The following PTK2 variants were observed in gnomAD, a reference collection of about 807,000 sequenced individuals.
PTK2 encodes the protein protein tyrosine kinase 2, also known as focal adhesion kinase 1.
A neutral mutation model predicts 150.1 loss-of-function variants in PTK2; 45 were observed. The observed-to-expected ratio is 0.30, with a 90% CI of 0.24 to 0.38. The LOEUF (loss-of-function observed/expected upper bound fraction) is 0.38. PTK2 is among the 10% of genes least tolerant of loss of function. PTK2 has a pLI of 1.00. For synonymous variants in PTK2, 432 were observed against 449.2 expected (o/e 0.96, Z 0.48); for missense variants, 919 against 1,307.3 (o/e 0.70, Z 4.58).
intron 2 of PTK2, among the ~76,000 whole-genome samples, chr8:140,917,342 G>A (rs759233648): frequency 6.7e-6 from 1 of 148,286 alleles, no homozygotes; most frequent in Non-Finnish European, 1.5e-5. Context: ...ACTCTGCCAG[G>A]AAAGGACAGG....
intron 13 of PTK2, among the ~76,000 whole-genome samples, chr8:140,792,486 A>T (rs2100089040): frequency 1.3e-5 from 2 of 152,264 alleles, no homozygotes; most frequent in South Asian, 4.1e-4. Flanking sequence ...TCCTTTGCTG[A>T]TTCTGCTTTG....
chr8:140,779,974 G>A (rs181296001), intron 14 of PTK2, among the ~76,000 whole-genome samples: 2 of 152,164 alleles, frequency 1.3e-5, no homozygotes, highest in Non-Finnish European at 2.9e-5. Context: ...TTCCAACAAT[G>A]TGAAAAACAC....
intron 22 of PTK2, among the ~76,000 whole-genome samples, chr8:140,727,873 G>GTTT (rs1160373647): frequency 1.3e-5 from 2 of 152,134 alleles, no homozygotes; most frequent in Non-Finnish European, 2.9e-5. Context: ...TAGCTACTGA[G>GTTT]TAGAAAGAGT....
chr8:140,735,525 A>G (rs2100052111), intron 21 of PTK2, 70 bp from the exon 25 acceptor site: 4 of 1,515,754 alleles, frequency 2.6e-6, no homozygotes, highest in South Asian at 1.1e-5. Context: ...TTCCAGGAAC[A>G]TTGTTCTTCT....
intron 7 of PTK2, among the ~76,000 whole-genome samples, chr8:140,835,062 C>T (rs1567235665): frequency 2.0e-5 from 3 of 152,218 alleles, no homozygotes; most frequent in Admixed American, 6.5e-5. Flanking sequence ...CTCTCCCCAC[C>T]TGCACCAGCT....
intron 1 of PTK2, among the ~76,000 whole-genome samples, chr8:140,926,226 T>C (rs927944736): frequency 6.6e-6 from 1 of 152,208 alleles, no homozygotes; most frequent in East Asian, 1.9e-4. Context: ...ATAGATGATA[T>C]TACAATCCAT....
chr8:140,794,288 T>C (rs1251249935), intron 12 of PTK2, among the ~76,000 whole-genome samples: 1 of 152,210 alleles, frequency 6.6e-6, no homozygotes, highest in Non-Finnish European at 1.5e-5. Context: ...ACTGCTTCAC[T>C]TCTCTCAGCA....
intron 14 of PTK2, among the ~76,000 whole-genome samples, chr8:140,777,400 A>C (rs2100079070): frequency 6.6e-6 from 1 of 152,222 alleles, no homozygotes; most frequent in Non-Finnish European, 1.5e-5. Context: ...TCTAATGTGA[A>C]CTAAGAGCCA....
intron 1 of PTK2, among the ~76,000 whole-genome samples, chr8:140,979,064 A>G (rs2100190411): frequency 6.9e-6 from 1 of 144,392 alleles, no homozygotes; most frequent in South Asian, 2.3e-4. Context: ...GAACAATGAG[A>G]ACACATGGAC....
At chr8:140,890,895 G>A in intron 2 of PTK2, 126 bp from the exon 3 acceptor site, 1 of 769,860 alleles carries the variant, frequency 1.3e-6, no homozygotes, top group Non-Finnish European at 2.1e-6. Context: ...AGGAGTCTGA[G>A]GAGAATAGAG....
intron 5 of PTK2, 22 bp downstream of exon 5, chr8:140,864,290 A>T: frequency 7.3e-7 from 1 of 1,364,560 alleles, no homozygotes; most frequent in Non-Finnish European, 9.9e-7. Flanking sequence ...ACAAAAAAGT[A>T]TATGAAAGCA....
At chr8:140,821,763 G>A (rs1265922607) in intron 8 of PTK2, 1 of 152,230 alleles carries the variant, frequency 6.6e-6, no homozygotes, top group African/African-American at 2.4e-5. Context: ...TGACAGGTGA[G>A]TATGACAGAG....
At chr8:140,817,755 C>A (rs945488281) in intron 10 of PTK2, among the ~76,000 whole-genome samples, 4 of 152,180 alleles carry the variant, frequency 2.6e-5, no homozygotes, top group African/African-American at 9.7e-5. Flanking sequence ...GAGGATCACA[C>A]AGGAAATGGT....
chr8:140,954,608 T>C (rs1439076848), intron 1 of PTK2: 2 of 152,208 alleles, frequency 1.3e-5, no homozygotes, highest in Non-Finnish European at 2.9e-5. Context: ...TTTATATTTC[T>C]TCCCTCACCC....
At chr8:140,972,252 T>C (rs2100187581) in intron 1 of PTK2, among the ~76,000 whole-genome samples, 1 of 152,170 alleles carries the variant, frequency 6.6e-6, no homozygotes, top group East Asian at 1.9e-4. Flanking sequence ...GTTTTTATTA[T>C]TTTAATTAAT....
chr8:140,751,638 C>T (rs910059158), intron 17 of PTK2, among the ~76,000 whole-genome samples: 5 of 152,142 alleles, frequency 3.3e-5, no homozygotes, highest in African/African-American at 9.6e-5. Context: ...ACTACAGGTG[C>T]GTGCCACTAT....
At chr8:140,695,564 C>T (rs2100026036) in intron 26 of PTK2, among the ~76,000 whole-genome samples, 1 of 152,126 alleles carries the variant, frequency 6.6e-6, no homozygotes, top group Non-Finnish European at 1.5e-5. Context: ...GAGAGTGCCA[C>T]CACGCCTGGC....
At position 140,918,480 on chromosome 8, in the gene PTK2, G is replaced by A. The variant is rs191673573; in HGVS notation, c.-33+7181C>T. On this transcript the variant is annotated intron_variant, in intron 2 of 31. Coordinates refer to ENST00000522684, the Ensembl canonical transcript of PTK2. ...TAATTCAATATTCTGAATCAAAACT[G>A]TCTTTAAACCTAGAAAATCATGATG... Among the ~76,000 whole-genome samples, 9 of 152,212 alleles carry A rather than the reference G, an allele frequency of 5.9e-5. No individual in the cohort carries two copies. In the East Asian group the frequency reaches 1.7e-3, roughly 29 times the overall value.
At chr8:140,672,095 G>A (rs2095600624) in intron 29 of PTK2, 10 of 443,468 alleles carry the variant, frequency 2.3e-5, no homozygotes, top group South Asian at 9.7e-5. Context: ...AGGTGGTACC[G>A]ATCTACCTGT....
Sources: gnomAD v4.1 joint callset for allele counts (sites outside exome capture counted in the v4.1 genomes callset) on GRCh38, gnomAD v4.1.1 for gene constraint, MANE v1.5 for transcripts, NCBI Gene and HGNC (gene_info 2026-07-23, HGNC 2026-07-21) for gene names.